Variants in ADCY7 observed in about 807,000 individuals in gnomAD.
ADCY7 encodes the protein adenylate cyclase 7.
A neutral mutation model predicts 120.6 loss-of-function variants in ADCY7; 72 were observed. The ratio of observed to expected loss-of-function variants is 0.60; its 90% CI spans 0.49 to 0.73. The LOEUF (loss-of-function observed/expected upper bound fraction) is 0.73. ADCY7 is among the 30% of genes least tolerant of loss of function. ADCY7 has a pLI of 0.00. For missense variants in ADCY7, 1,227 were observed against 1,486.0 expected (o/e 0.83, Z 2.87); for synonymous variants, 661 against 628.0 (o/e 1.05, Z -0.78).
chr16:50,281,895 T>C (rs1310495323), intron 1 of ADCY7, among the ~76,000 whole-genome samples: 3 of 152,126 alleles, frequency 2.0e-5, no homozygotes, highest in Admixed American at 2.0e-4. Flanking sequence ...GAGATTCCCT[T>C]GGCAAATGAA....
chr16:50,298,709 G>A (rs1344300807), intron 7 of ADCY7, among the ~76,000 whole-genome samples, 195 bp from the exon 8 acceptor site: 1 of 152,176 alleles, frequency 6.6e-6, no homozygotes. Context: ...TTGCCTGGGG[G>A]TTCCTCCTGG....
chr16:50,277,331 G>C (rs1318725233), intron 1 of ADCY7, among the ~76,000 whole-genome samples: 1 of 152,114 alleles, frequency 6.6e-6, no homozygotes, highest in Non-Finnish European at 1.5e-5. Flanking sequence ...AAGTGGATTT[G>C]GTAGGTCAAA....
In ADCY7 at chr16:50,312,943, G is replaced by A. The variant is rs751982589; in HGVS notation, c.2658G>A (p.Pro886=). The A allele has an allele frequency of 1.3e-5, 21 of 1,614,166 alleles. No individual in the cohort carries two copies. Among genetic ancestry groups the A allele is most frequent in the African/African-American group, 2.7e-5 (2 of 75,032 alleles). ...DCVCVMFASV[P]DFKVFYTECD... is the part of the protein sequence containing the mutation. ...TCTGTGTCATGTTTGCCTCCGTGCCGGACTTCAAAGTGTTCTACACAGAGT... is the reference window on the plus strand; with the variant it reads ...TCTGTGTCATGTTTGCCTCCGTGCCAGACTTCAAAGTGTTCTACACAGAGT... The change falls in exon 22 of 26, where the codon CCG becomes CCA. Residue 886 remains proline (P), a synonymous_variant. Transcript: ENST00000673801.
chr16:50,247,015 C>T (rs553567304), intron 1 of ADCY7, among the ~76,000 whole-genome samples: 6 of 152,350 alleles, frequency 3.9e-5, no homozygotes, highest in African/African-American at 9.6e-5. Flanking sequence ...GGCTGAAGCC[C>T]CCTCGGGCCT....
At chr16:50,254,547 C>T (rs1436708559) in intron 1 of ADCY7, among the ~76,000 whole-genome samples, 9 of 152,146 alleles carry the variant, frequency 5.9e-5, no homozygotes, top group Non-Finnish European at 1.3e-4. Flanking sequence ...CGAAAAAATA[C>T]TTAGGAATAA....
intron 21 of ADCY7, among the ~76,000 whole-genome samples, chr16:50,312,510 G>A (rs2036544765): frequency 6.6e-6 from 1 of 152,208 alleles, no homozygotes; most frequent in Non-Finnish European, 1.5e-5. Flanking sequence ...TTGTGATCTG[G>A]ACATTCTGTG....
intron 7 of ADCY7, 107 bp from the exon 8 acceptor site, chr16:50,298,797 C>T (rs900332514): frequency 3.4e-6 from 5 of 1,479,530 alleles, no homozygotes; most frequent in Middle Eastern, 1.8e-4. Flanking sequence ...GGCAAGCCCC[C>T]AGCCAGGAGA....
intron 6 of ADCY7, among the ~76,000 whole-genome samples, chr16:50,294,203 C>T (rs948541583): frequency 3.9e-5 from 6 of 152,106 alleles, no homozygotes; most frequent in Non-Finnish European, 5.9e-5. Flanking sequence ...AACGGGAGTT[C>T]GGCAAGGGCT....
Position 50,285,752 on chromosome 16 carries a change from G to C in ADCY7, c.-268-2160G>C, listed in dbSNP as rs9940619. 3.5e-3 allele frequency among the ~76,000 whole-genome samples: 537 copies of C among 152,344 alleles called. 8 individuals are homozygous for C. The highest frequency in any genetic ancestry group is 0.012 in the African/African-American group (509 of 41,576). On this transcript the variant is annotated intron_variant, in intron 1 of 25. Coordinates refer to ENST00000673801, the MANE Select transcript of ADCY7 (RefSeq NM_001114.5). ...GGTTCCTGCTGGGAATATGGCAGCT[G>C]TCCCCAAGTCCCCATTGCTGTGTGA...
chr16:50,281,007 C>T (rs1307601212), intron 1 of ADCY7, among the ~76,000 whole-genome samples: 1 of 152,094 alleles, frequency 6.6e-6, no homozygotes, highest in East Asian at 1.9e-4. Flanking sequence ...GCTGGGGGCT[C>T]ATGCCGTTGG....
chr16:50,305,937 C>A, intron 14 of ADCY7, 88 bp downstream of exon 14: 2 of 1,350,358 alleles, frequency 1.5e-6, no homozygotes, highest in African/African-American at 1.4e-5. Context: ...GGGCAGCCTG[C>A]GTTCCCAAGA....
In ADCY7 at chr16:50,277,922, G is replaced by A. The variant is rs1483797249; in HGVS notation, c.-268-9990G>A. On this transcript the variant is annotated intron_variant, in intron 1 of 25. Coordinates refer to ENST00000673801, the MANE Select transcript of ADCY7 (RefSeq NM_001114.5). The stretch of plus-strand genomic sequence containing the variant: ...CCTGACCTCATGATCCGCCCACCTC[G>A]GCCTCCCAAAGTGCTGGGATTACAG... 4.0e-5 allele frequency among the ~76,000 whole-genome samples: 6 copies of A among 151,706 alleles called. 1 individual carries two copies. Among genetic ancestry groups the A allele is most frequent in the Non-Finnish European group, 5.9e-5 (4 of 67,920 alleles).
At position 50,314,349 on chromosome 16, in the gene ADCY7, A is replaced by C; in HGVS notation, c.2914A>C (p.Met972Leu). 2 of 1,614,146 alleles carry C rather than the reference A, an allele frequency of 1.2e-6. No homozygotes were observed. Among genetic ancestry groups the C allele is most frequent in the Middle Eastern group, 1.7e-4 (1 of 6,060 alleles). Residue 972 changes from methionine (M) to leucine (L), a missense_variant, in exon 24 of 26, where the codon ATG becomes CTG. Around this residue, in one of 5 missense-constraint regions of ADCY7, gnomAD observed 244 missense variants for 332.8 expected, o/e 0.73. Coordinates refer to ENST00000673801, the MANE Select transcript of ADCY7 (RefSeq NM_001114.5). Reference sequence around the variant, plus strand: ...CATGGTGGAGTTCAGCATCGCCCTGATGAGTAAGCTGGACGGCATCAACAG... The same window carrying C: ...CATGGTGGAGTTCAGCATCGCCCTGCTGAGTAAGCTGGACGGCATCAACAG... The part of the protein sequence containing the change: ...GVMVEFSIAL[M>L]SKLDGINRHS...
chr16:50,252,183 G>A (rs998252292), intron 1 of ADCY7, among the ~76,000 whole-genome samples: 5 of 152,128 alleles, frequency 3.3e-5, no homozygotes, highest in East Asian at 1.9e-4. Context: ...TCTCTGTGCC[G>A]AGCCTCTGGT....
chr16:50,288,864 T>G (rs115098704), intron 2 of ADCY7, among the ~76,000 whole-genome samples: 2,023 of 152,296 alleles, frequency 0.013, 48 homozygotes, highest in African/African-American at 0.045. Flanking sequence ...GGCCTTGTTT[T>G]GTTGCCCAGG....
intron 1 of ADCY7, among the ~76,000 whole-genome samples, chr16:50,256,538 A>G (rs775771773): frequency 3.3e-5 from 5 of 152,170 alleles, no homozygotes; most frequent in Admixed American, 6.5e-5. Context: ...ACCCATCTCT[A>G]CAAAAAATAA....
At chr16:50,301,022 C>T in intron 9 of ADCY7, 60 bp from the exon 10 acceptor site, 1 of 1,592,562 alleles carries the variant, frequency 6.3e-7, no homozygotes, top group South Asian at 1.1e-5. Flanking sequence ...CTGTGCATCC[C>T]TGGGTGGATG....
rs948174925 is a variant in ADCY7 at position 50,304,479 on chromosome 16, C to T, written c.1488C>T (p.Pro496=). ...TCGAGTCCTGGGGGGCGGCACGGCC[C>T]TTTGCACATCTCAACCACCGTGAGA... is the stretch of plus-strand genomic sequence containing the variant. The part of the protein sequence containing the change: ...RYLESWGAAR[P]FAHLNHRESV... The change falls in exon 11 of 26, where the codon CCC becomes CCT. Residue 496 remains proline, a synonymous_variant. Transcript: ENST00000673801. The T allele has an allele frequency of 6.2e-7, 1 of 1,608,954 alleles. No homozygotes were observed. Among genetic ancestry groups the T allele is most frequent in the Non-Finnish European group, 8.5e-7 (1 of 1,177,940 alleles).
chr16:50,267,598 G>A (rs762605023), intron 1 of ADCY7, among the ~76,000 whole-genome samples: 2 of 152,218 alleles, frequency 1.3e-5, no homozygotes, highest in Non-Finnish European at 2.9e-5. Flanking sequence ...TGGAGGCTGT[G>A]AGGGGTGGAC....
Sources: gnomAD v4.1 joint callset for allele counts (sites outside exome capture counted in the v4.1 genomes callset) on GRCh38, gnomAD v4.1.1 for gene constraint, gnomAD v4.1.1 regional missense constraint, MANE v1.5 for transcripts, NCBI Gene and HGNC (gene_info 2026-07-23, HGNC 2026-07-21) for gene names.